HERPUD1: variants seen among roughly 807,000 people sequenced by gnomAD.
HERPUD1 encodes homocysteine inducible ER protein with ubiquitin like domain 1.
HERPUD1 carries 17 observed loss-of-function variants against 45.0 expected under a neutral mutation model. That is an observed-to-expected ratio of 0.38 (90% CI 0.26 to 0.57). HERPUD1 has a LOEUF of 0.57. HERPUD1 is among the 20% of genes least tolerant of loss of function. The pLI is 0.72. For missense variants in HERPUD1, 420 were observed against 490.5 expected, an observed-to-expected ratio of 0.86 and a Z score of 1.36; for synonymous variants, 164 against 177.5, an observed-to-expected ratio of 0.92 and a Z score of 0.61.
rs778038556 is a variant in HERPUD1 at position 56,942,167 on chromosome 16, C to T, written c.941C>T (p.Pro314Leu). The T allele has an allele frequency of 1.5e-5, 25 of 1,613,912 alleles. No individual in the cohort carries two copies. Among genetic ancestry groups the T allele is most frequent in the Middle Eastern group, 3.3e-4 (2 of 6,080 alleles). Reference protein sequence around the residue: ...HVGWFPFRPRPVQNFPNDGPP... With the variant: ...HVGWFPFRPRLVQNFPNDGPP... ...GGGTGGTTTCCATTTAGACCGAGGC[C>T]GGTTCAGAACTTCCCAAATGATGGT... Residue 314 changes from proline (P) to leucine (L), a missense_variant, in exon 7 of 8, where the codon CCG becomes CTG. Physicochemically the swap from Pro to Leu is moderately conservative, Grantham distance 98 (BLOSUM62 -3). Coordinates refer to ENST00000439977, the MANE Select transcript of HERPUD1 (RefSeq NM_014685.4).
Position 56,942,178 on chromosome 16 carries a change from T to C in HERPUD1, c.952T>C (p.Phe318Leu). 6.2e-7 allele frequency: 1 copy of C among 1,614,172 alleles called. No individual in the cohort carries two copies. The highest frequency in any genetic ancestry group is 8.5e-7 in the Non-Finnish European group (1 of 1,180,008). ...FPFRPRPVQN[F>L]PNDGPPPDVV... ...ATTTAGACCGAGGCCGGTTCAGAAC[T>C]TCCCAAATGATGGTCCTCCTCCTGA... Residue 318 changes from phenylalanine to leucine, a missense_variant, in exon 7 of 8, where the codon TTC becomes CTC. Phe to Leu is a conservative substitution (Grantham distance 22). Transcript: ENST00000439977.
intron 1 of HERPUD1, chr16:56,933,102 A>G (rs148090512): frequency 2.7e-6 from 1 of 368,112 alleles, no homozygotes; most frequent in East Asian, 7.3e-5. Context: ...TGCCCTGGCC[A>G]CCACGTGATG....
intron 4 of HERPUD1, 80 bp from the exon 5 acceptor site, chr16:56,939,157 T>C: frequency 6.7e-7 from 1 of 1,490,134 alleles, no homozygotes; most frequent in Admixed American, 1.9e-5. Flanking sequence ...ATTTGAATTC[T>C]TGATTTTAAT....
intron 6 of HERPUD1, 62 bp downstream of exon 6, chr16:56,940,307 G>T: frequency 1.6e-6 from 2 of 1,275,508 alleles, no homozygotes; most frequent in East Asian, 4.7e-5. Context: ...AGCAGATTTT[G>T]CTCTTTTTGT....
Position 56,943,177 on chromosome 16 carries a change from G to T in HERPUD1, c.1063G>T (p.Asp355Tyr). 1.2e-6 allele frequency: 2 copies of T among 1,614,172 alleles called. No individual in the cohort carries two copies. Among genetic ancestry groups the T allele is most frequent in the South Asian group, 1.1e-5 (1 of 91,074 alleles). Residue 355 changes from aspartate to tyrosine, a missense_variant, in exon 8 of 8, where the codon GAT becomes TAT. Physicochemically the swap from Asp to Tyr is radical, Grantham distance 160. Transcript: ENST00000439977. ...EDPNHLPPDR[D>Y]VLDGEQTSPS... is the part of the protein sequence containing the mutation. Reference sequence around the variant, plus strand: ...CCCCAACCACCTCCCTCCAGACAGGGATGTACTAGATGGCGAGCAGACCAG... The same window carrying T: ...CCCCAACCACCTCCCTCCAGACAGGTATGTACTAGATGGCGAGCAGACCAG...
Position 56,932,284 on chromosome 16 carries a change from G to T in HERPUD1, c.40G>T (p.Val14Leu), listed in dbSNP as rs1370310222. Residue 14 changes from valine to leucine, a missense_variant, in exon 1 of 8, where the codon GTG becomes TTG. Transcript: ENST00000439977. Reference protein sequence around the residue: ...ETEPEPVTLLVKSPNQRHRDL... With the variant: ...ETEPEPVTLLLKSPNQRHRDL... The stretch of plus-strand genomic sequence containing the variant: ...CGAACCCGAGCCCGTCACGCTCCTG[G>T]TGAAGAGCCCCAACCAGCGCCACCG... 1.9e-6 allele frequency: 3 copies of T among 1,609,214 alleles called. No individual in the cohort carries two copies.
rs530924073 is a variant in HERPUD1, at chr16:56,940,263, C to G, written c.905+18C>G. ...ATGTACCTGTAAGCAGATGGTTTCT[C>G]TAATATAAATTACACTACACTGTGT... On this transcript the variant is annotated intron_variant, in intron 6 of 7. Transcript: ENST00000439977. The G allele has an allele frequency of 6.4e-5, 99 of 1,552,386 alleles. 1 individual carries two copies. In the South Asian group the frequency reaches 1.1e-3, roughly 17 times the overall value.
rs114043492 is a variant in HERPUD1 at position 56,934,440 on chromosome 16, T to C, written c.148-795T>C. ...TCTCACAGGGTGGTTGTGTATAATG[T>C]CACCCACACGCCATCTCCTCTATAA... is the stretch of plus-strand genomic sequence containing the variant. On this transcript the variant is annotated intron_variant, in intron 1 of 7. Transcript: ENST00000439977. 4.4e-3 allele frequency among the ~76,000 whole-genome samples: 672 copies of C among 152,288 alleles called. 6 individuals carry two copies. Among genetic ancestry groups the C allele is most frequent in the African/African-American group, 0.015 (616 of 41,548 alleles).
At chr16:56,940,334 G>A (rs2055900331) in intron 6 of HERPUD1, 89 bp downstream of exon 6, 3 of 911,574 alleles carry the variant, frequency 3.3e-6, no homozygotes, top group Non-Finnish European at 5.1e-6. Context: ...TTTTTTTTGA[G>A]ATGGAGTCTC....
chr16:56,938,333 G>T (rs1249765577), intron 4 of HERPUD1, among the ~76,000 whole-genome samples: 7 of 152,166 alleles, frequency 4.6e-5, no homozygotes, highest in Non-Finnish European at 7.3e-5. Flanking sequence ...GGAGGCCAAG[G>T]TGGGCGGATC....
chr16:56,932,645 C>A (rs1366190577), intron 1 of HERPUD1, among the ~76,000 whole-genome samples: 3 of 152,256 alleles, frequency 2.0e-5, no homozygotes, highest in African/African-American at 7.2e-5. Context: ...CTGTTTCTCC[C>A]CCAGCGGCCA....
intron 6 of HERPUD1, 69 bp downstream of exon 6, chr16:56,940,314 T>C: frequency 1.7e-6 from 2 of 1,164,898 alleles, no homozygotes; most frequent in Admixed American, 4.3e-5. Flanking sequence ...TTTGCTCTTT[T>C]TGTTTCTTGT....
In HERPUD1 at chr16:56,939,972, C is replaced by T. The variant is rs1262881578; in HGVS notation, c.632C>T (p.Ala211Val). The change falls in exon 6 of 8, where the codon GCT (alanine) becomes GTT (valine). Residue 211 changes from alanine (A) to valine (V), a missense_variant. Transcript: ENST00000439977. ...AQEIPVVSAP[A>V]PAPIHNQFPA... is the part of the protein sequence containing the mutation. ...GAGATACCTGTGGTCTCTGCACCTG[C>T]TCCAGCCCCTATTCACAACCAGTTT... The T allele has an allele frequency of 4.3e-6, 7 of 1,614,218 alleles. No homozygotes were observed. Among genetic ancestry groups the T allele is most frequent in the Non-Finnish European group, 5.9e-6 (7 of 1,180,042 alleles).
intron 4 of HERPUD1, among the ~76,000 whole-genome samples, chr16:56,938,546 G>A (rs1321123780): frequency 1.4e-5 from 2 of 139,922 alleles, no homozygotes; most frequent in African/African-American, 5.7e-5. Flanking sequence ...CTGGGCAACA[G>A]AGCGAGACTC....
Position 56,932,347 on chromosome 16 carries a change from G to A in HERPUD1, c.103G>A (p.Gly35Ser), listed in dbSNP as rs1596975388. 6.2e-7 allele frequency: 1 copy of A among 1,601,006 alleles called. No individual in the cohort carries two copies. ...ELSGDRGWSV[G>S]HLKAHLSRVY... ...GAGTGGCGACCGCGGCTGGAGTGTG[G>A]GCCACCTCAAGGCCCACCTGAGCCG... Residue 35 changes from glycine (G) to serine (S), a missense_variant, in exon 1 of 8, where the codon GGC becomes AGC. Physicochemically the swap from Gly to Ser is moderately conservative, Grantham distance 56 (BLOSUM62 0). Coordinates refer to ENST00000439977, the MANE Select transcript of HERPUD1 (RefSeq NM_014685.4).
Position 56,934,451 on chromosome 16 carries a change from C to T in HERPUD1, c.148-784C>T, listed in dbSNP as rs542458611. 3.9e-5 allele frequency among the ~76,000 whole-genome samples: 6 copies of T among 152,218 alleles called. No individual in the cohort carries two copies. In the East Asian group the frequency reaches 9.7e-4, roughly 24 times the overall value. ...GGTTGTGTATAATGTCACCCACACG[C>T]CATCTCCTCTATAACTGCATTTGTA... On this transcript the variant is annotated intron_variant, in intron 1 of 7. Transcript: ENST00000439977.
chr16:56,943,061 G>T (rs1217114208), intron 7 of HERPUD1, 65 bp from the exon 8 acceptor site: 8 of 1,502,338 alleles, frequency 5.3e-6, no homozygotes, highest in African/African-American at 4.1e-5. Context: ...AACATTATTT[G>T]GTGTTCATCA....
At chr16:56,939,085 T>C in intron 4 of HERPUD1, 152 bp from the exon 5 acceptor site, 3 of 738,568 alleles carry the variant, frequency 4.1e-6, no homozygotes, top group East Asian at 2.7e-5. Context: ...TTGTGGTACA[T>C]GGGTGCGTCA....
rs375507563 is a variant in HERPUD1 at position 56,932,332 on chromosome 16, C to G, written c.88C>G (p.Arg30Gly). The stretch of plus-strand genomic sequence containing the variant: ...CCGCGACTTGGAGCTGAGTGGCGAC[C>G]GCGGCTGGAGTGTGGGCCACCTCAA... ...RHRDLELSGD[R>G]GWSVGHLKAH... The change falls in exon 1 of 8, where the codon CGC becomes GGC. Residue 30 changes from arginine to glycine, a missense_variant. By Grantham distance (125) the Arg-to-Gly change is moderately radical (BLOSUM62 -2). Coordinates refer to ENST00000439977, the MANE Select transcript of HERPUD1 (RefSeq NM_014685.4). 11 of 1,603,960 alleles carry G rather than the reference C, an allele frequency of 6.9e-6. No homozygotes were observed. In the South Asian group the frequency reaches 1.1e-4, roughly 16 times the overall value.
Sources: allele counts gnomAD v4.1 joint callset (sites outside exome capture counted in the v4.1 genomes callset), GRCh38; gene constraint gnomAD v4.1.1; transcripts MANE v1.5; gene names NCBI Gene and HGNC (gene_info 2026-07-23, HGNC 2026-07-21).